Variants in ZNF407 observed in about 807,000 individuals in gnomAD.
ZNF407 encodes zinc finger protein 407.
In ZNF407, 17 loss-of-function variants were observed where a neutral mutation model predicts 131.2. The observed-to-expected ratio is 0.13, with a 90% confidence interval of 0.09 to 0.19. The LOEUF (loss-of-function observed/expected upper bound fraction) is 0.19. Ranked by LOEUF, ZNF407 falls within the 10% of genes least tolerant of loss-of-function variation. The pLI, the probability that ZNF407 is intolerant of heterozygous loss-of-function variation, is 1.00. For missense variants in ZNF407, 2,681 were observed against 2,830.6 expected (o/e 0.95, Z 1.20); for synonymous variants, 1,156 against 1,062.0 (o/e 1.09, Z -1.72).
At chr18:75,005,165 G>A (rs1030902870) in intron 8 of ZNF407, among the ~76,000 whole-genome samples, 8 of 152,150 alleles carry the variant, frequency 5.3e-5, no homozygotes, top group African/African-American at 1.9e-4. Context: ...GGATGGAGCT[G>A]CATTTACCCC....
chr18:74,728,654 C>T (rs1324557747), intron 3 of ZNF407, among the ~76,000 whole-genome samples: 1 of 152,160 alleles, frequency 6.6e-6, no homozygotes, highest in East Asian at 1.9e-4. Flanking sequence ...AGGTAAGTGC[C>T]TGAGGCTTGT....
chr18:74,802,196 C>T (rs908000614), intron 4 of ZNF407, among the ~76,000 whole-genome samples: 14 of 152,052 alleles, frequency 9.2e-5, no homozygotes, highest in Non-Finnish European at 1.9e-4. Context: ...GAATGTTTTT[C>T]AACTTGCATT....
chr18:74,920,482 A>G, intron 7 of ZNF407, 32 bp from the exon 8 acceptor site: 1 of 1,536,916 alleles, frequency 6.5e-7, no homozygotes, highest in Non-Finnish European at 8.9e-7. Context: ...GTTTGACCTT[A>G]ATTAGATTTA....
chr18:74,988,347 G>A (rs1375766391), intron 8 of ZNF407, among the ~76,000 whole-genome samples: 1 of 151,998 alleles, frequency 6.6e-6, no homozygotes, highest in Non-Finnish European at 1.5e-5. Context: ...GAGATATTCA[G>A]AGATTTCTTG....
At chr18:74,759,591 C>T (rs1428112025) in intron 3 of ZNF407, among the ~76,000 whole-genome samples, 6 of 151,914 alleles carry the variant, frequency 3.9e-5, no homozygotes, top group Non-Finnish European at 5.9e-5. Flanking sequence ...ATCAGAAAGA[C>T]CTTGCTGTAT....
chr18:75,016,824 A>G (rs1973050029), intron 8 of ZNF407, among the ~76,000 whole-genome samples: 1 of 152,156 alleles, frequency 6.6e-6, no homozygotes, highest in African/African-American at 2.4e-5. Flanking sequence ...TAATACCTCT[A>G]TATTTATCAA....
chr18:75,013,744 T>C (rs1973011155), intron 8 of ZNF407, among the ~76,000 whole-genome samples: 1 of 152,062 alleles, frequency 6.6e-6, no homozygotes, highest in Non-Finnish European at 1.5e-5. Flanking sequence ...CCTGAAGAGC[T>C]CTGAGGAACC....
chr18:74,779,277 G>A (rs1415644995), intron 3 of ZNF407, among the ~76,000 whole-genome samples: 13 of 150,758 alleles, frequency 8.6e-5, no homozygotes, highest in African/African-American at 1.7e-4. Context: ...CACCACACCC[G>A]GCTAATTTTT....
chr18:74,665,090 TA>T (rs1985880097), intron 3 of ZNF407, among the ~76,000 whole-genome samples: 2 of 152,388 alleles, frequency 1.3e-5, no homozygotes, highest in South Asian at 4.1e-4. Flanking sequence ...AGCACTTTGC[TA>T]AGCAAATAGT....
intron 8 of ZNF407, among the ~76,000 whole-genome samples, chr18:74,983,479 CTGTT>C (rs1484810732): frequency 1.4e-5 from 2 of 146,150 alleles, no homozygotes; most frequent in South Asian, 2.1e-4. Flanking sequence ...GAGTTTTTTT[CTGTT>C]TGTTTGCTCA....
At chr18:74,966,423 CTT>C (rs757454191) in intron 8 of ZNF407, among the ~76,000 whole-genome samples, 16 of 152,124 alleles carry the variant, frequency 1.1e-4, no homozygotes. Flanking sequence ...AAGAGGCTGT[CTT>C]TTCCACAGTG....
chr18:74,756,709 C>A (rs955931235), intron 3 of ZNF407, among the ~76,000 whole-genome samples: 1 of 149,942 alleles, frequency 6.7e-6, no homozygotes, highest in African/African-American at 2.5e-5. Flanking sequence ...CTTCTGTGTA[C>A]AAGATCCTGT....
chr18:74,974,138 G>A (rs1027266970), intron 8 of ZNF407, among the ~76,000 whole-genome samples: 3 of 152,112 alleles, frequency 2.0e-5, no homozygotes, highest in Non-Finnish European at 4.4e-5. Context: ...CTACAACTGT[G>A]CAGATGTGCG....
At chr18:74,740,201 A>C (rs535260544) in intron 3 of ZNF407, among the ~76,000 whole-genome samples, 1 of 152,264 alleles carries the variant, frequency 6.6e-6, no homozygotes, top group East Asian at 1.9e-4. Flanking sequence ...GGCTGACAGC[A>C]TTCCCTGGTT....
intron 1 of ZNF407, among the ~76,000 whole-genome samples, chr18:74,600,841 C>T (rs1239904408): frequency 6.6e-6 from 1 of 152,194 alleles, no homozygotes; most frequent in Non-Finnish European, 1.5e-5. Flanking sequence ...GAGAGGCCCT[C>T]TTGAAGAAAT....
intron 8 of ZNF407, among the ~76,000 whole-genome samples, chr18:74,925,328 G>A (rs768804580): frequency 6.6e-5 from 10 of 152,078 alleles, no homozygotes; most frequent in Non-Finnish European, 1.0e-4. Context: ...TCTCTATAAC[G>A]TGTATTATTT....
chr18:74,652,127 C>T (rs1438377471), intron 3 of ZNF407, among the ~76,000 whole-genome samples: 2 of 151,960 alleles, frequency 1.3e-5, no homozygotes, highest in East Asian at 3.9e-4. Flanking sequence ...TTTTTTCTAC[C>T]CTTTTAAAGA....
chr18:74,880,219 AAGAT>A (rs1232020807), intron 5 of ZNF407, among the ~76,000 whole-genome samples: 7 of 152,166 alleles, frequency 4.6e-5, no homozygotes, highest in African/African-American at 1.7e-4. Context: ...CTGCAGTGGG[AAGAT>A]AGATTGCATT....
chr18:74,925,110 C>T (rs963886762), intron 8 of ZNF407, among the ~76,000 whole-genome samples: 1 of 152,060 alleles, frequency 6.6e-6, no homozygotes, highest in African/African-American at 2.4e-5. Flanking sequence ...TGGTATTTTT[C>T]TTAATTTCCT....
Sources: allele counts gnomAD v4.1 joint callset (sites outside exome capture counted in the v4.1 genomes callset), GRCh38; gene constraint gnomAD v4.1.1; transcripts MANE v1.5; gene names NCBI Gene and HGNC (gene_info 2026-07-23, HGNC 2026-07-21).